The following CYREN variants were observed in gnomAD, a reference collection of about 807,000 sequenced individuals.
The protein encoded by CYREN is cell cycle regulator of non-homologous end joining.
In CYREN, 7 loss-of-function variants were observed where a neutral mutation model predicts 9.7. The ratio of observed to expected loss-of-function variants is 0.72; its 90% CI spans 0.41 to 1.36. The LOEUF (loss-of-function observed/expected upper bound fraction) is 1.36. Ranked by LOEUF, CYREN falls within the 40% of genes most tolerant of loss-of-function variation. The pLI, the probability that CYREN is intolerant of heterozygous loss-of-function variation, is 0.01. For synonymous variants in CYREN, 76 were observed against 77.9 expected (o/e 0.98, Z 0.13); for missense variants, 215 against 198.1 (o/e 1.09, Z -0.51).
chr7:135,094,195 T>C, exon 3 of CYREN: 4 of 353,658 alleles, frequency 1.1e-5, no homozygotes, highest in South Asian at 8.7e-5. Flanking sequence ...CTTCTCGTTT[T>C]AGCTGCAACA....
At chr7:135,133,529 A>T (rs1372028528) in intron 2 of CYREN, among the ~76,000 whole-genome samples, 1 of 152,216 alleles carries the variant, frequency 6.6e-6, no homozygotes, top group Non-Finnish European at 1.5e-5. Context: ...AAGAACTTTT[A>T]TATAGCTAGA....
chr7:135,122,435 C>T (rs996270051), intron 2 of CYREN, among the ~76,000 whole-genome samples: 2 of 152,196 alleles, frequency 1.3e-5, no homozygotes, highest in Admixed American at 6.5e-5. Context: ...TCTTTGCAGA[C>T]CAGCAGACTT....
At chr7:135,124,078 A>G (rs1827515441) in intron 2 of CYREN, among the ~76,000 whole-genome samples, 1 of 152,252 alleles carries the variant, frequency 6.6e-6, no homozygotes, top group Admixed American at 6.5e-5. Flanking sequence ...TAAATGCCCC[A>G]GTTAAAAGAC....
chr7:135,151,210 A>G lies in CYREN; in HGVS notation n.356+17539T>C, dbSNP rs1829658462. Among the ~76,000 whole-genome samples the G allele has an allele frequency of 6.6e-6, 1 of 152,250 alleles. No individual in the cohort carries two copies. On this transcript the variant is annotated intron_variant and non_coding_transcript_variant, in intron 2 of 2. Transcript: ENST00000459937. This position sits in a 1 kb window ranked among gnomAD's most constrained non-coding sequence, Gnocchi z 4.3. The stretch of plus-strand genomic sequence containing the variant: ...CTTGGTGGTTGGGATGGCTGTCCAC[A>G]GAAAACACTGGTGAAATCCAGGAGC...
chr7:135,166,787 G>A lies in CYREN; in HGVS notation c.298C>T (p.Pro100Ser). 1 of 1,614,192 alleles carries A rather than the reference G, an allele frequency of 6.2e-7. No individual in the cohort carries two copies. The change falls in exon 4 of 4, where the codon CCT (proline) becomes TCT (serine). Residue 100 changes from proline to serine, a missense_variant. Coordinates refer to ENST00000393114, the MANE Select transcript of CYREN (RefSeq NM_024033.4). ...CTGCTGCTCCCAGAACTTGTGTGAGGCGACACGGAGCAGGGAGGGGAGTGC... is the reference window on the plus strand; with the variant it reads ...CTGCTGCTCCCAGAACTTGTGTGAGACGACACGGAGCAGGGAGGGGAGTGC... The part of the protein sequence containing the change: ...PEHSPPCSVS[P>S]HTSSGSSSEE...
At chr7:135,138,440 G>C (rs548060756) in intron 2 of CYREN, among the ~76,000 whole-genome samples, 5 of 152,042 alleles carry the variant, frequency 3.3e-5, no homozygotes, top group African/African-American at 1.2e-4. Context: ...CAAAATACTT[G>C]TACTACCAAA....
chr7:135,130,766 C>T (rs574546625), intron 2 of CYREN, among the ~76,000 whole-genome samples: 201 of 152,252 alleles, frequency 1.3e-3, no homozygotes, highest in Non-Finnish European at 2.4e-3. Context: ...AAGGTCTTCT[C>T]TAACAAGCTA....
intron 2 of CYREN, among the ~76,000 whole-genome samples, chr7:135,143,010 T>C (rs898705073): frequency 3.3e-5 from 5 of 152,230 alleles, no homozygotes; most frequent in South Asian, 2.1e-4. Flanking sequence ...CAACACAGTA[T>C]TGAAGAAGAA....
intron 2 of CYREN, chr7:135,152,678 C>T (rs1363961296): frequency 6.6e-6 from 1 of 152,190 alleles, no homozygotes; most frequent in Non-Finnish European, 1.5e-5. Flanking sequence ...TTCCACTGAT[C>T]AAAGAGTCTC....
intron 2 of CYREN, among the ~76,000 whole-genome samples, chr7:135,155,862 A>C (rs895325629): frequency 1.3e-5 from 2 of 152,220 alleles, no homozygotes; most frequent in Non-Finnish European, 2.9e-5. Flanking sequence ...AAAATAATTA[A>C]TTAAAAACAC....
chr7:135,116,782 G>T (rs1281797601), intron 2 of CYREN, among the ~76,000 whole-genome samples: 1 of 152,192 alleles, frequency 6.6e-6, no homozygotes, highest in Non-Finnish European at 1.5e-5. Flanking sequence ...TATCTGTGGT[G>T]CTTGGCTGGA....
chr7:135,115,927 C>G, intron 2 of CYREN: 1 of 196,438 alleles, frequency 5.1e-6, no homozygotes, highest in Non-Finnish European at 1.0e-5. Flanking sequence ...GCCTTATAAT[C>G]CTATGGGGTA....
chr7:135,151,662 AG>A lies in CYREN; in HGVS notation n.356+17086del. On this transcript the variant is annotated intron_variant and non_coding_transcript_variant, in intron 2 of 2. Transcript: ENST00000459937. The surrounding 1 kb of genome is among the most constrained non-coding windows in gnomAD (Gnocchi z 4.3). Reference sequence around the variant, plus strand: ...TTGACCCAGTTTGTGTCAGGCCCCAAGCCCTCTATATGTGAGTGAACTTCCT... The same window carrying A: ...TTGACCCAGTTTGTGTCAGGCCCCAACCCTCTATATGTGAGTGAACTTCCT... Among the ~76,000 whole-genome samples the A allele has an allele frequency of 6.6e-6, 1 of 152,208 alleles. No homozygotes were observed. Among genetic ancestry groups the A allele is most frequent in the Non-Finnish European group, 1.5e-5 (1 of 68,040 alleles).
chr7:135,150,087 A>G (rs1399929205), intron 2 of CYREN, among the ~76,000 whole-genome samples: 1 of 152,042 alleles, frequency 6.6e-6, no homozygotes, highest in Non-Finnish European at 1.5e-5. Context: ...TTTCCAGATC[A>G]TTGATTTTTT....
chr7:135,172,389 A>G (rs903309239), upstream of CYREN, among the ~76,000 whole-genome samples: 5 of 150,692 alleles, frequency 3.3e-5, no homozygotes, highest in African/African-American at 9.8e-5. Context: ...TTGGTTTGGT[A>G]TAAACGGTAA....
At chr7:135,168,716 G>C (rs1830423400) in intron 2 of CYREN, 70 bp downstream of exon 2, 1 of 1,567,396 alleles carries the variant, frequency 6.4e-7, no homozygotes, top group Middle Eastern at 1.8e-4. Context: ...TGGAAGACCT[G>C]GCCCAGGTCA....
At chr7:135,102,025 C>T (rs1211814779) in intron 2 of CYREN, among the ~76,000 whole-genome samples, 2 of 152,174 alleles carry the variant, frequency 1.3e-5, no homozygotes, top group Middle Eastern at 3.2e-3. Flanking sequence ...TGCCTTCCAC[C>T]ATGATCGTGA....
intron 2 of CYREN, among the ~76,000 whole-genome samples, chr7:135,132,430 T>C (rs145739103): frequency 6.6e-6 from 1 of 152,296 alleles, no homozygotes. Context: ...ATCCTATTAA[T>C]TGGCACAGAA....
chr7:135,101,157 A>G (rs1823774366), intron 2 of CYREN: 3 of 455,426 alleles, frequency 6.6e-6, no homozygotes, highest in Non-Finnish European at 8.8e-6. Context: ...CCAATCTAGG[A>G]AAAAAATTCC....
Sources: allele counts gnomAD v4.1 joint callset (sites outside exome capture counted in the v4.1 genomes callset), GRCh38; gene constraint gnomAD v4.1.1; non-coding constraint Gnocchi (gnomAD v3.1); transcripts MANE v1.5; gene names NCBI Gene and HGNC (gene_info 2026-07-23, HGNC 2026-07-21).